PAH: variants seen among roughly 807,000 people sequenced by gnomAD.
PAH encodes the protein phenylalanine-4-hydroxylase.
A neutral mutation model predicts 62.0 loss-of-function variants in PAH; 64 were observed. The observed-to-expected ratio is 1.03, with a 90% confidence interval of 0.84 to 1.27. The LOEUF (loss-of-function observed/expected upper bound fraction) is 1.27. Among genes scored for constraint, PAH ranks in the 50% most tolerant of loss-of-function variants. The pLI is 0.00. For missense variants in PAH, 579 were observed against 542.8 expected (o/e 1.07, Z -0.66); for synonymous variants, 195 against 196.2 (o/e 0.99, Z 0.05).
In PAH at chr12:102,868,134, A is replaced by ACC. The variant is rs1353024452; in HGVS notation, c.442-1472_442-1471insGG. On this transcript the variant is annotated intron_variant, in intron 4 of 12. Coordinates refer to ENST00000553106, the MANE Select transcript of PAH (RefSeq NM_000277.3). ...TATATATACATATATGTGTATATAT[A>ACC]TATATATATATATATATATACACAT... 5.1e-3 allele frequency among the ~76,000 whole-genome samples: 16 copies of ACC among 3,156 alleles called. 5 individuals are homozygous for ACC. The highest frequency in any genetic ancestry group is 0.027 in the South Asian group (2 of 74). The allele number at this position is 3,156 out of a possible 152,430, so 2.1% of individuals were successfully genotyped here.
chr12:102,884,612 T>C (rs1019850905), intron 3 of PAH, among the ~76,000 whole-genome samples: 1 of 152,186 alleles, frequency 6.6e-6, no homozygotes, highest in Admixed American at 6.5e-5. Context: ...GGGAAGAAAC[T>C]GACCCAAAAC....
intron 1 of PAH, among the ~76,000 whole-genome samples, chr12:102,929,067 C>G (rs1041195113): frequency 1.3e-5 from 2 of 152,048 alleles, no homozygotes; most frequent in African/African-American, 4.8e-5. Context: ...CTCTTTTGCT[C>G]GGCACTTTTC....
chr12:102,920,578 A>C (rs1297505227), upstream of PAH, among the ~76,000 whole-genome samples: 1 of 152,166 alleles, frequency 6.6e-6, no homozygotes, highest in African/African-American at 2.4e-5. Flanking sequence ...ACAGAAACAA[A>C]ACCTACATGA....
At chr12:102,908,094 T>C (rs1042032723) in intron 2 of PAH, among the ~76,000 whole-genome samples, 1 of 152,156 alleles carries the variant, frequency 6.6e-6, no homozygotes, top group Non-Finnish European at 1.5e-5. Context: ...TTTCCTCTTC[T>C]GTAAAATGGG....
intron 1 of PAH, among the ~76,000 whole-genome samples, chr12:102,915,828 A>C (rs1467037963): frequency 6.7e-6 from 1 of 149,136 alleles, no homozygotes; most frequent in African/African-American, 2.5e-5. Flanking sequence ...CTATTTTTTT[A>C]ATTATAACTT....
chr12:102,847,441 A>AATTCC (rs1874900629), intron 8 of PAH: 1 of 181,204 alleles, frequency 5.5e-6, no homozygotes, highest in African/African-American at 2.3e-5. Flanking sequence ...TCTGTTGCAG[A>AATTCC]ATTCCTCTAC....
chr12:102,917,320 C>T, upstream of PAH: 1 of 634,712 alleles, frequency 1.6e-6, no homozygotes, highest in Non-Finnish European at 2.9e-6. Context: ...CGCAGGAGGC[C>T]AGGGCAGCCT....
intron 5 of PAH, among the ~76,000 whole-genome samples, chr12:102,856,318 T>C (rs1380492861): frequency 6.6e-6 from 1 of 152,108 alleles, no homozygotes; most frequent in African/African-American, 2.4e-5. Context: ...TAAAAGTCGT[T>C]AGTTTTAAAA....
chr12:102,887,717 T>C (rs1877101690), intron 3 of PAH, among the ~76,000 whole-genome samples: 1 of 152,052 alleles, frequency 6.6e-6, no homozygotes. Context: ...GGGTCTTTGC[T>C]CCATTTCACA....
At chr12:102,875,029 A>G (rs942312356) in intron 4 of PAH, among the ~76,000 whole-genome samples, 2 of 152,148 alleles carry the variant, frequency 1.3e-5, no homozygotes, top group Admixed American at 1.3e-4. Flanking sequence ...GCACTCACAC[A>G]CTGAGGCCAG....
intron 2 of PAH, among the ~76,000 whole-genome samples, chr12:102,896,598 T>C (rs533873700): frequency 1.2e-4 from 18 of 152,230 alleles, no homozygotes; most frequent in African/African-American, 3.6e-4. Flanking sequence ...GGAGTGGAAA[T>C]GGTAAGAAGA....
At chr12:102,942,802 A>G (rs1302093303) in intron 1 of PAH, among the ~76,000 whole-genome samples, 2 of 152,212 alleles carry the variant, frequency 1.3e-5, no homozygotes, top group African/African-American at 4.8e-5. Flanking sequence ...GCTGACAATC[A>G]TAAGCAATTG....
chr12:102,873,934 G>A (rs550413657), intron 4 of PAH, among the ~76,000 whole-genome samples: 126 of 152,310 alleles, frequency 8.3e-4, no homozygotes, highest in Non-Finnish European at 1.2e-3. Context: ...ATAAACTACA[G>A]TTTCGGAAAC....
At chr12:102,924,143 A>G (rs1016186324) in intron 1 of PAH, among the ~76,000 whole-genome samples, 2 of 152,196 alleles carry the variant, frequency 1.3e-5, no homozygotes, top group African/African-American at 2.4e-5. Context: ...GTCACAGCAC[A>G]TTGACACATC....
intron 1 of PAH, among the ~76,000 whole-genome samples, chr12:102,943,570 CA>C (rs1206461929): frequency 6.6e-6 from 1 of 151,932 alleles, no homozygotes; most frequent in African/African-American, 2.4e-5. Flanking sequence ...ATTATATACC[CA>C]AAGGAATATA....
chr12:102,936,989 C>T (rs769457890), intron 1 of PAH, among the ~76,000 whole-genome samples: 4 of 152,150 alleles, frequency 2.6e-5, no homozygotes, highest in South Asian at 2.1e-4. Flanking sequence ...AAGCTGTTCT[C>T]GTGATAGAGT....
At chr12:102,851,243 C>T (rs1226572583) in intron 8 of PAH, among the ~76,000 whole-genome samples, 1 of 151,952 alleles carries the variant, frequency 6.6e-6, no homozygotes, top group African/African-American at 2.4e-5. Flanking sequence ...AACTCTAAGT[C>T]AGGGTATCAG....
intron 3 of PAH, among the ~76,000 whole-genome samples, chr12:102,893,660 C>A (rs1166917328): frequency 6.6e-6 from 1 of 152,162 alleles, no homozygotes; most frequent in East Asian, 1.9e-4. Flanking sequence ...GCAGTTAAAG[C>A]AATTTGTCAG....
At chr12:102,950,732 A>G (rs1425641602) in exon 1 of PAH, 1 of 152,218 alleles carries the variant, frequency 6.6e-6, no homozygotes, top group Non-Finnish European at 1.5e-5. Context: ...AGGGCGCGCA[A>G]GTCCCCAAGA....
Sources: gnomAD v4.1 joint callset for allele counts (sites outside exome capture counted in the v4.1 genomes callset) on GRCh38, gnomAD v4.1.1 for gene constraint, MANE v1.5 for transcripts, NCBI Gene and HGNC (gene_info 2026-07-23, HGNC 2026-07-21) for gene names.